The following BNIP3 variants were observed in gnomAD, a reference collection of about 807,000 sequenced individuals.
BNIP3 encodes BCL2/adenovirus E1B 19 kDa protein-interacting protein 3.
A neutral mutation model predicts 23.9 loss-of-function variants in BNIP3; 16 were observed. The observed-to-expected ratio is 0.67, with a 90% CI of 0.45 to 1.01. BNIP3 has a LOEUF of 1.01. Among genes scored for constraint, BNIP3 ranks in the 50% least tolerant of loss-of-function variants. BNIP3 has a pLI of 0.00. For synonymous variants in BNIP3, 81 were observed against 89.3 expected, an observed-to-expected ratio of 0.91 and a Z score of 0.53; for missense variants, 198 against 248.7, an observed-to-expected ratio of 0.80 and a Z score of 1.37.
At chr10:131,979,095 G>A (rs1035765327) in intron 1 of BNIP3, among the ~76,000 whole-genome samples, 1 of 152,128 alleles carries the variant, frequency 6.6e-6, no homozygotes, top group Admixed American at 6.5e-5. Context: ...CCTATTGCAC[G>A]CAGCCTCAGG....
At chr10:131,969,984 GC>G in intron 5 of BNIP3, 1 of 152,602 alleles carries the variant, frequency 6.6e-6, no homozygotes, top group East Asian at 1.9e-4. Flanking sequence ...TTCGAGATCA[GC>G]CTGGGCAACG....
At chr10:131,979,000 C>CCGA (rs1390698695) in intron 1 of BNIP3, among the ~76,000 whole-genome samples, 1 of 152,140 alleles carries the variant, frequency 6.6e-6, no homozygotes, top group East Asian at 1.9e-4. Flanking sequence ...AAATCAGGTC[C>CCGA]CTGGCTTCCA....
intron 3 of BNIP3, among the ~76,000 whole-genome samples, chr10:131,972,538 G>A (rs2037044357): frequency 6.6e-6 from 1 of 152,216 alleles, no homozygotes; most frequent in Non-Finnish European, 1.5e-5. Context: ...GTCTAATGAG[G>A]AAGACACCTC....
chr10:131,971,212 A>C, intron 3 of BNIP3: 1 of 527,690 alleles, frequency 1.9e-6, no homozygotes, highest in Non-Finnish European at 3.4e-6. Context: ...GGGGAGCCCC[A>C]CTCAGGGCGT....
chr10:131,981,354 G>GC (rs1423011191), intron 1 of BNIP3: 32 of 261,234 alleles, frequency 1.2e-4, no homozygotes, highest in South Asian at 3.3e-4. Flanking sequence ...CCACGCCTTG[G>GC]TGTTTGGTCA....
rs2036985626 is a variant in BNIP3 at position 131,967,870 on chromosome 10, T to C, written c.*654A>G. 6.6e-6 allele frequency: 1 copy of C among 152,268 alleles called. No homozygotes were observed. Among genetic ancestry groups the C allele is most frequent in the African/African-American group, 2.4e-5 (1 of 41,466 alleles). The allele number at this position is 152,268 out of a possible 1,614,324, so 9.4% of individuals were successfully genotyped here. A position where few individuals can be genotyped will look rare whatever the true frequency, so the allele number is the denominator to read the frequency against. ...TGAGTAGGTGCCTTCAGCAGAAAAC[T>C]GATCATCCAGGGTGATCACCTAATA... On this transcript the variant is annotated 3_prime_UTR_variant, in exon 6 of 6. Transcript: ENST00000368636.
At chr10:131,973,273 C>G in intron 2 of BNIP3, 155 bp from the exon 3 acceptor site, 3 of 695,224 alleles carry the variant, frequency 4.3e-6, no homozygotes, top group Non-Finnish European at 4.9e-6. Context: ...CTGCCAGAGC[C>G]AAACTCTTCC....
chr10:131,973,896 C>G lies in BNIP3; in HGVS notation c.94G>C (p.Val32Leu), dbSNP rs143791190. ...TTATAAATAGAAACCGAGGCTGGAA[C>G]GCTGCCCCCGTTCCCATTATTGCTG... The part of the protein sequence containing the change: ...HFSNNGNGGS[V>L]PASVSIYNGD... Residue 32 changes from valine (V) to leucine (L), a missense_variant, in exon 2 of 6, where the codon GTT becomes CTT. Val to Leu is a conservative substitution (Grantham distance 32). Transcript: ENST00000368636. The G allele has an allele frequency of 2.5e-6, 4 of 1,613,414 alleles. No individual in the cohort carries two copies. The African/African-American group carries it at 4.0e-5, about 16-fold the overall frequency.
rs2037081300 is a variant in BNIP3, at chr10:131,976,876, T to C, written c.47-2933A>G. 6.6e-6 allele frequency among the ~76,000 whole-genome samples: 1 copy of C among 152,180 alleles called. No individual in the cohort carries two copies. On this transcript the variant is annotated intron_variant, in intron 1 of 5. Coordinates refer to ENST00000368636, the MANE Select transcript of BNIP3 (RefSeq NM_004052.4). The surrounding 1 kb of genome is among the most constrained non-coding windows in gnomAD (Gnocchi z 4.3). ...GGTTAACCAAGGAGCACTTTTGGAG[T>C]ACACTGCTAATAGGGTGACTTTATG...
chr10:131,975,381 C>T (rs892735197), intron 1 of BNIP3, among the ~76,000 whole-genome samples: 4 of 152,184 alleles, frequency 2.6e-5, no homozygotes, highest in Non-Finnish European at 2.9e-5. Flanking sequence ...GGATGGAGTG[C>T]AGTGGGAGGA....
At chr10:131,971,763 G>A (rs919454446) in intron 3 of BNIP3, among the ~76,000 whole-genome samples, 3 of 152,212 alleles carry the variant, frequency 2.0e-5, no homozygotes, top group Admixed American at 1.3e-4. Flanking sequence ...GGAGCAGGCC[G>A]CACGCCCTGG....
At chr10:131,972,346 A>T (rs977122525) in intron 3 of BNIP3, among the ~76,000 whole-genome samples, 8 of 152,136 alleles carry the variant, frequency 5.3e-5, no homozygotes, top group African/African-American at 1.9e-4. Flanking sequence ...GTTCAAGACC[A>T]CCCTGGGCAA....
rs771312842 is a variant in BNIP3, at chr10:131,970,959, A to C, written c.294T>G (p.Asp98Glu). The change falls in exon 4 of 6, where the codon GAT becomes GAG. Residue 98 changes from aspartate to glutamate, a missense_variant. Asp to Glu is a conservative substitution (Grantham distance 45, BLOSUM62 2). Coordinates refer to ENST00000368636, the MANE Select transcript of BNIP3 (RefSeq NM_004052.4). The surrounding 1 kb of genome is among the most constrained non-coding windows in gnomAD (Gnocchi z 4.1). ...GEKNSSQSEE[D>E]DIERRKEVES... ...CAACTTCTTTCCTTCTTTCAATATCATCTTCCTCAGACTAAGATAAAGTCA... is the reference window on the plus strand; with the variant it reads ...CAACTTCTTTCCTTCTTTCAATATCCTCTTCCTCAGACTAAGATAAAGTCA... 17 of 1,613,780 alleles carry C rather than the reference A, an allele frequency of 1.1e-5. No individual in the cohort carries two copies. In the South Asian group the frequency reaches 1.5e-4, roughly 15 times the overall value.
intron 3 of BNIP3, among the ~76,000 whole-genome samples, chr10:131,972,070 C>G (rs2037038676): frequency 2.6e-5 from 4 of 151,984 alleles, no homozygotes; most frequent in Admixed American, 2.0e-4. Context: ...CAAGGTAAGG[C>G]ACTGCCAGAT....
At chr10:131,977,734 C>T (rs1011335562) in intron 1 of BNIP3, among the ~76,000 whole-genome samples, 3 of 152,156 alleles carry the variant, frequency 2.0e-5, no homozygotes, top group Non-Finnish European at 2.9e-5. Flanking sequence ...CGAACCAAAG[C>T]AGTGCTTTTT....
At chr10:131,968,666 G>T in intron 5 of BNIP3, 97 bp from the exon 6 acceptor site, 1 of 1,050,710 alleles carries the variant, frequency 9.5e-7, no homozygotes, top group Non-Finnish European at 1.5e-6. Flanking sequence ...TAGAGCTTAT[G>T]CAAGGGGACT....
At chr10:131,981,539 G>T (rs766181343) in intron 1 of BNIP3, among the ~76,000 whole-genome samples, 1 of 152,220 alleles carries the variant, frequency 6.6e-6, no homozygotes, top group Non-Finnish European at 1.5e-5. Flanking sequence ...ACCCCCGCCC[G>T]AGTGGCGAGG....
At chr10:131,973,630 G>C in intron 2 of BNIP3, 163 bp downstream of exon 2, 1 of 898,106 alleles carries the variant, frequency 1.1e-6, no homozygotes, top group South Asian at 1.8e-5. Flanking sequence ...AAGAGGGCGA[G>C]GCTCCTATAT....
rs1270572191 is a variant in BNIP3 at position 131,976,347 on chromosome 10, A to C, written c.47-2404T>G. 6.6e-6 allele frequency among the ~76,000 whole-genome samples: 1 copy of C among 152,064 alleles called. No homozygotes were observed. Among genetic ancestry groups the C allele is most frequent in the Non-Finnish European group, 1.5e-5 (1 of 68,006 alleles). Reference sequence around the variant, plus strand: ...GTGTCCAACGATTCAATTCCATTCTATCTACCTAGACTTAGTGTGGAGCCC... The same window carrying C: ...GTGTCCAACGATTCAATTCCATTCTCTCTACCTAGACTTAGTGTGGAGCCC... On this transcript the variant is annotated intron_variant, in intron 1 of 5. Coordinates refer to ENST00000368636, the MANE Select transcript of BNIP3 (RefSeq NM_004052.4). This position sits in a 1 kb window ranked among gnomAD's most constrained non-coding sequence, Gnocchi z 4.3.
Sources: gnomAD v4.1 joint callset for allele counts (sites outside exome capture counted in the v4.1 genomes callset) on GRCh38, gnomAD v4.1.1 for gene constraint, Gnocchi (gnomAD v3.1) non-coding constraint, MANE v1.5 for transcripts, NCBI Gene and HGNC (gene_info 2026-07-23, HGNC 2026-07-21) for gene names.